Variants in UNC80 observed in about 807,000 individuals in gnomAD.
The protein encoded by UNC80 is unc-80 subunit of NALCN channel complex.
A neutral mutation model predicts 384.6 loss-of-function variants in UNC80; 164 were observed. The observed-to-expected ratio is 0.43, with a 90% confidence interval of 0.38 to 0.49. The LOEUF (loss-of-function observed/expected upper bound fraction) is 0.49. Among genes scored for constraint, UNC80 ranks in the 20% least tolerant of loss-of-function variants. The pLI is 0.00. For missense variants in UNC80, 3,330 were observed against 4,143.0 expected, an observed-to-expected ratio of 0.80 and a Z score of 5.39; for synonymous variants, 1,486 against 1,527.8, an observed-to-expected ratio of 0.97 and a Z score of 0.64.
intron 28 of UNC80, among the ~76,000 whole-genome samples, chr2:209,900,981 A>G (rs2087333548): frequency 1.3e-5 from 2 of 152,238 alleles, no homozygotes; most frequent in African/African-American, 4.8e-5. Flanking sequence ...GTCTGAAGTT[A>G]GCAGAGGTTG....
At chr2:209,940,822 A>C (rs1280318670) in intron 43 of UNC80, among the ~76,000 whole-genome samples, 2 of 152,112 alleles carry the variant, frequency 1.3e-5, no homozygotes, top group African/African-American at 4.8e-5. Flanking sequence ...ATCTCAAAAA[A>C]ACAAAAAACA....
intron 37 of UNC80, among the ~76,000 whole-genome samples, chr2:209,930,217 GATTAA>G (rs1435056753): frequency 6.6e-6 from 1 of 151,940 alleles, no homozygotes; most frequent in African/African-American, 2.4e-5. Context: ...AATACTGCAA[GATTAA>G]ATTAAGTATA....
In UNC80 at chr2:209,959,423, C is replaced by T. The variant is rs1178056493; in HGVS notation, c.7587-66C>T. On this transcript the variant is annotated intron_variant, in intron 50 of 64. Transcript: ENST00000673920. Reference sequence around the variant, plus strand: ...CTTATATTTTTCTTCAGTGTGATACCCTCTTCTCACAGCTGCTACATGAAT... The same window carrying T: ...CTTATATTTTTCTTCAGTGTGATACTCTCTTCTCACAGCTGCTACATGAAT... 1.6e-5 allele frequency: 23 copies of T among 1,439,012 alleles called. No homozygotes were observed. The East Asian group carries it at 4.2e-4, about 26-fold the overall frequency. 89.1% of individuals were successfully genotyped at this position (1,439,012 alleles called of 1,614,324 possible). A position where few individuals can be genotyped will look rare whatever the true frequency, so the allele number is the denominator to read the frequency against.
chr2:209,878,088 C>T lies in UNC80; in HGVS notation c.3975C>T (p.Asp1325=). 1 of 1,530,842 alleles carries T rather than the reference C, an allele frequency of 6.5e-7. No individual in the cohort carries two copies. Among genetic ancestry groups the T allele is most frequent in the Non-Finnish European group, 8.8e-7 (1 of 1,137,972 alleles). 94.8% of individuals were successfully genotyped at this position (1,530,842 alleles called of 1,614,324 possible). A position where few individuals can be genotyped will look rare whatever the true frequency, so the allele number is the denominator to read the frequency against. Residue 1325 remains aspartate, a splice_region_variant and synonymous_variant, in exon 24 of 65, where the codon GAC becomes GAT. Coordinates refer to ENST00000673920, the MANE Select transcript of UNC80 (RefSeq NM_001371986.1). ...ATGAGGAGGAAGACTTTTTAGATGA[C>T]AGTAAGGAGACTCCCTTTACTACAA... ...KEDEEEDFLD[D]STVNPSKCGC...
chr2:209,777,119 A>C, intron 3 of UNC80, 139 bp from the exon 4 acceptor site: 1 of 1,002,066 alleles, frequency 1.0e-6, no homozygotes, highest in Non-Finnish European at 1.4e-6. Context: ...GGAAGTCCAA[A>C]AAGCAAGAAT....
At chr2:209,865,780 C>T (rs2083701491) in intron 22 of UNC80, among the ~76,000 whole-genome samples, 1 of 152,140 alleles carries the variant, frequency 6.6e-6, no homozygotes, top group Non-Finnish European at 1.5e-5. Context: ...AGATATTCCT[C>T]CTAAGATTAT....
chr2:209,825,767 G>C (rs559409798), intron 13 of UNC80, 140 bp from the exon 14 acceptor site: 11 of 725,764 alleles, frequency 1.5e-5, no homozygotes, highest in Non-Finnish European at 2.0e-5. Context: ...TGTTGAGCCC[G>C]TTACAATTCT....
chr2:209,822,164 C>T (rs1334515183), intron 13 of UNC80, among the ~76,000 whole-genome samples: 1 of 152,116 alleles, frequency 6.6e-6, no homozygotes, highest in Non-Finnish European at 1.5e-5. Context: ...GGTTGCTGAG[C>T]CTTTTCTATA....
At chr2:209,785,923 C>A in intron 4 of UNC80, 143 bp from the exon 5 acceptor site, 1 of 911,922 alleles carries the variant, frequency 1.1e-6, no homozygotes, top group African/African-American at 1.7e-5. Flanking sequence ...TAGAAACATT[C>A]ATCTGACTAA....
chr2:209,930,064 A>G, intron 37 of UNC80, 93 bp downstream of exon 37: 3 of 644,572 alleles, frequency 4.7e-6, no homozygotes, highest in Non-Finnish European at 7.3e-6. Context: ...AGTGCATGCA[A>G]CTCAATGCCC....
intron 16 of UNC80, among the ~76,000 whole-genome samples, chr2:209,833,752 T>C (rs1387510039): frequency 6.6e-6 from 1 of 152,216 alleles, no homozygotes; most frequent in Admixed American, 6.5e-5. Context: ...TGCAGCCAAC[T>C]TTCTGAATGA....
chr2:209,935,919 C>A, intron 40 of UNC80, 111 bp downstream of exon 40: 1 of 627,072 alleles, frequency 1.6e-6, no homozygotes, highest in Non-Finnish European at 2.7e-6. Flanking sequence ...TGGATGTATG[C>A]ATTTCTTTAC....
chr2:209,847,944 G>A (rs1338317369), intron 21 of UNC80, among the ~76,000 whole-genome samples: 2 of 151,898 alleles, frequency 1.3e-5, no homozygotes, highest in Admixed American at 6.6e-5. Context: ...TATTTGAAAT[G>A]TCTCTTTAAT....
At chr2:209,809,220 C>T (rs2079152021) in intron 7 of UNC80, 1 of 683,756 alleles carries the variant, frequency 1.5e-6, no homozygotes. Flanking sequence ...TCTCTGAGGC[C>T]AAGGATTCCC....
chr2:209,916,523 A>G (rs1215490207), intron 31 of UNC80, among the ~76,000 whole-genome samples: 1 of 152,216 alleles, frequency 6.6e-6, no homozygotes, highest in Non-Finnish European at 1.5e-5. Context: ...AAATTGAGGC[A>G]GGGTGGGTTT....
intron 48 of UNC80, among the ~76,000 whole-genome samples, 192 bp from the exon 49 acceptor site, chr2:209,957,452 C>A (rs920213191): frequency 1.3e-5 from 2 of 152,094 alleles, no homozygotes; most frequent in African/African-American, 4.8e-5. Flanking sequence ...CTTATAAACC[C>A]CTGGGAATCA....
At chr2:209,879,435 G>A (rs2085079954) in intron 24 of UNC80, among the ~76,000 whole-genome samples, 1 of 152,068 alleles carries the variant, frequency 6.6e-6, no homozygotes, top group Non-Finnish European at 1.5e-5. Context: ...TTAGTTTTTT[G>A]TTGAGACTAG....
chr2:209,786,129 A>C lies in UNC80; in HGVS notation c.664A>C (p.Arg222=). Reference sequence around the variant, plus strand: ...TATATGGCAGCCCATGTGGGAACACAGACAGCCCGGAGTCTCTGGCTTTAC... The same window carrying C: ...TATATGGCAGCCCATGTGGGAACACCGACAGCCCGGAGTCTCTGGCTTTAC... ...LVIWQPMWEH[R]QPGVSGFTAL... Residue 222 remains arginine (R), a synonymous_variant, in exon 5 of 65, where the codon AGA becomes CGA. Transcript: ENST00000673920. The C allele has an allele frequency of 6.2e-7, 1 of 1,614,074 alleles. No homozygotes were observed. The highest frequency in any genetic ancestry group is 1.3e-5 in the African/African-American group (1 of 75,046).
intron 46 of UNC80, 40 bp downstream of exon 46, chr2:209,945,229 C>T (rs1396128157): frequency 3.9e-6 from 6 of 1,538,068 alleles, no homozygotes; most frequent in South Asian, 1.2e-5. Context: ...TTTCTCACTG[C>T]AGTTGTTAAA....
Sources: gnomAD v4.1 joint callset for allele counts (sites outside exome capture counted in the v4.1 genomes callset) on GRCh38, gnomAD v4.1.1 for gene constraint, MANE v1.5 for transcripts, NCBI Gene and HGNC (gene_info 2026-07-23, HGNC 2026-07-21) for gene names.